AMZ1: variants seen among roughly 807,000 people sequenced by gnomAD.
AMZ1 encodes archaelysin family metallopeptidase 1, also known as archaemetzincin-1.
In AMZ1, 39 loss-of-function variants were observed where a neutral mutation model predicts 29.9. The observed-to-expected ratio is 1.30, with a 90% CI of 1.01 to 1.70. AMZ1 has a LOEUF of 1.70. Ranked by LOEUF, AMZ1 falls within the 40% of genes most tolerant of loss-of-function variation. AMZ1 has a pLI of 0.00. For missense variants in AMZ1, 1,041 were observed against 680.6 expected, an observed-to-expected ratio of 1.53 and a Z score of -5.89; for synonymous variants, 458 against 304.0, an observed-to-expected ratio of 1.51 and a Z score of -5.27.
intron 4 of AMZ1, among the ~76,000 whole-genome samples, chr7:2,737,264 GTTTTGTT>G (rs1790233001): frequency 3.8e-5 from 2 of 52,452 alleles, no homozygotes; most frequent in Non-Finnish European, 8.0e-5. Flanking sequence ...CTATCTCACA[GTTTTGTT>G]TTGTTTTTTT....
intron 4 of AMZ1, among the ~76,000 whole-genome samples, chr7:2,738,359 G>T (rs1562395735): frequency 6.6e-6 from 1 of 152,156 alleles, no homozygotes; most frequent in African/African-American, 2.4e-5. Context: ...GTCACTGCAG[G>T]AAACGTCTAG....
chr7:2,709,594 C>T (rs374601614), intron 5 of AMZ1, 46 bp from the exon 6 acceptor site: 132 of 1,579,042 alleles, frequency 8.4e-5, no homozygotes, highest in Non-Finnish European at 7.9e-5. Flanking sequence ...CTGCCGGATG[C>T]AGGGGCAAGG....
chr7:2,701,819 TC>T (rs1257078157), intron 2 of AMZ1, among the ~76,000 whole-genome samples: 1 of 152,128 alleles, frequency 6.6e-6, no homozygotes, highest in Non-Finnish European at 1.5e-5. Context: ...TTCCTGCCCC[TC>T]AGGACCCAAA....
chr7:2,708,218 T>G (rs34774255), intron 3 of AMZ1, among the ~76,000 whole-genome samples: 1 of 151,984 alleles, frequency 6.6e-6, no homozygotes, highest in Non-Finnish European at 1.5e-5. Flanking sequence ...CCCCTTTGGC[T>G]GTGGGGACTC....
rs1787747035 is a variant in AMZ1 at position 2,696,474 on chromosome 7, G to GAA, written c.-218-3760_-218-3759insAA. ...GGGTTTCACCATGTTAGCCAGGATGGTCTCGATCTCCTGACCTCGTGATCT... is the reference window on the plus strand; with the variant it reads ...GGGTTTCACCATGTTAGCCAGGATGGAATCTCGATCTCCTGACCTCGTGATCT... On this transcript the variant is annotated intron_variant, in intron 1 of 6. Coordinates refer to ENST00000683327, the MANE Select transcript of AMZ1 (RefSeq NM_001384743.1). Among the ~76,000 whole-genome samples, 51 of 150,702 alleles carry GAA rather than the reference G, an allele frequency of 3.4e-4. 3 individuals carry two copies. Among genetic ancestry groups the GAA allele is most frequent in the Admixed American group, 2.4e-3 (37 of 15,162 alleles).
At chr7:2,762,481 G>A (rs1791607268), upstream of AMZ1, 1 of 704,404 alleles carries the variant, frequency 1.4e-6, no homozygotes, top group African/African-American at 1.9e-5. Context: ...CCACCCGTGT[G>A]CGGGGCCTGA....
chr7:2,719,329 A>C lies in AMZ1; in HGVS notation c.*6451A>C, dbSNP rs1789316422. Among the ~76,000 whole-genome samples the C allele has an allele frequency of 6.6e-6, 1 of 152,048 alleles. No homozygotes were observed. The highest frequency in any genetic ancestry group is 1.5e-5 in the Non-Finnish European group (1 of 68,012). On this transcript the variant is annotated 3_prime_UTR_variant, in exon 7 of 7. Transcript: ENST00000683327. ...TGGCATAACCTGATGTCTGTCACGGACCCCCAAGCAGGAGCAATGCCTAAA... is the reference window on the plus strand; with the variant it reads ...TGGCATAACCTGATGTCTGTCACGGCCCCCCAAGCAGGAGCAATGCCTAAA...
At chr7:2,734,170 C>G (rs1232778855) in intron 4 of AMZ1, among the ~76,000 whole-genome samples, 1 of 152,208 alleles carries the variant, frequency 6.6e-6, no homozygotes, top group Non-Finnish European at 1.5e-5. Context: ...CGGAATCACC[C>G]AGGACCCCGT....
upstream of AMZ1, chr7:2,763,191 A>ACACACACACACACAC (rs1791652924): frequency 1.3e-5 from 3 of 222,644 alleles, no homozygotes; most frequent in African/African-American, 2.7e-5. Context: ...AAGACACCCC[A>ACACACACACACACAC]ACACACACAC....
chr7:2,689,367 C>T (rs989632376), intron 1 of AMZ1, among the ~76,000 whole-genome samples: 10 of 134,516 alleles, frequency 7.4e-5, no homozygotes, highest in Non-Finnish European at 1.5e-4. Flanking sequence ...GGCAGAACCT[C>T]CCTGGGGGGG....
At position 2,758,622 on chromosome 7, in the gene AMZ1, G is replaced by A. The variant is rs561016277; in HGVS notation, n.551-6090G>A. ...AGGGGAGCCTTTCAAGGAACCTGGGGGAACCCCTGAAAGGGTCTCGGGGGC... is the reference window on the plus strand; with the variant it reads ...AGGGGAGCCTTTCAAGGAACCTGGGAGAACCCCTGAAAGGGTCTCGGGGGC... On this transcript the variant is annotated intron_variant and non_coding_transcript_variant, in intron 4 of 4. Transcript: ENST00000489665. 3.9e-5 allele frequency among the ~76,000 whole-genome samples: 6 copies of A among 152,226 alleles called. No individual in the cohort carries two copies. The South Asian group carries it at 6.2e-4, about 16-fold the overall frequency.
downstream of AMZ1, among the ~76,000 whole-genome samples, chr7:2,719,758 G>T (rs1583190005): frequency 1.3e-5 from 2 of 150,318 alleles, no homozygotes; most frequent in Admixed American, 1.3e-4. Flanking sequence ...TTGGCTCACT[G>T]CAACCTCTGC....
chr7:2,718,810 T>C lies in AMZ1; in HGVS notation c.*5932T>C, dbSNP rs1301842865. ...GGCTCTCAGGGACTTCCTCTCCCTGTGCTCTGCCCACCTGGGGTAGGCCTC... is the reference window on the plus strand; with the variant it reads ...GGCTCTCAGGGACTTCCTCTCCCTGCGCTCTGCCCACCTGGGGTAGGCCTC... On this transcript the variant is annotated 3_prime_UTR_variant, in exon 7 of 7. Transcript: ENST00000683327. Among the ~76,000 whole-genome samples, 3 of 152,248 alleles carry C rather than the reference T, an allele frequency of 2.0e-5. No individual in the cohort carries two copies. The highest frequency in any genetic ancestry group is 3.9e-4 in the East Asian group (2 of 5,158).
downstream of AMZ1, among the ~76,000 whole-genome samples, chr7:2,720,503 A>G (rs181206450): frequency 6.6e-6 from 1 of 151,844 alleles, no homozygotes. Context: ...TTCTGGGTTC[A>G]AACGATTCTC....
chr7:2,756,404 C>G (rs113467909), intron 4 of AMZ1, among the ~76,000 whole-genome samples: 1 of 151,950 alleles, frequency 6.6e-6, no homozygotes, highest in Admixed American at 6.6e-5. Flanking sequence ...TATAATCCTA[C>G]GAGTTCAAGA....
At chr7:2,727,612 C>T (rs1029728875) in intron 4 of AMZ1, among the ~76,000 whole-genome samples, 4 of 152,050 alleles carry the variant, frequency 2.6e-5, no homozygotes, top group African/African-American at 9.7e-5. Context: ...AGCAATTCTC[C>T]CACCTTGGCC....
intron 4 of AMZ1, among the ~76,000 whole-genome samples, chr7:2,755,679 C>T (rs1324130731): frequency 6.6e-6 from 1 of 152,218 alleles, no homozygotes; most frequent in Admixed American, 6.5e-5. Context: ...CATCTGCCAA[C>T]AGGAACAGTC....
Position 2,712,918 on chromosome 7 carries a change from C to T in AMZ1, c.*40C>T, listed in dbSNP as rs1025941490. 17 of 1,499,588 alleles carry T rather than the reference C, an allele frequency of 1.1e-5. No individual in the cohort carries two copies. In the African/African-American group the frequency reaches 2.0e-4, roughly 17 times the overall value. 92.9% of individuals were successfully genotyped at this position (1,499,588 alleles called of 1,614,324 possible). A position where few individuals can be genotyped will look rare whatever the true frequency, so the allele number is the denominator to read the frequency against. On this transcript the variant is annotated 3_prime_UTR_variant, in exon 7 of 7. Transcript: ENST00000683327. ...CCCTACGTCTCCTTCCCTAAGGATG[C>T]TGGCCAGCACTGTCCAGTAGCTGAG...
At chr7:2,748,456 T>C (rs1356365994) in intron 4 of AMZ1, among the ~76,000 whole-genome samples, 1 of 152,112 alleles carries the variant, frequency 6.6e-6, no homozygotes, top group Admixed American at 6.5e-5. Flanking sequence ...TGGCTAGCCA[T>C]ATGTAGAAAG....
Sources: gnomAD v4.1 joint callset for allele counts (sites outside exome capture counted in the v4.1 genomes callset) on GRCh38, gnomAD v4.1.1 for gene constraint, MANE v1.5 for transcripts, NCBI Gene and HGNC (gene_info 2026-07-23, HGNC 2026-07-21) for gene names.